The following ZNF441 variants were observed in gnomAD, a reference collection of about 807,000 sequenced individuals.
ZNF441 encodes zinc finger protein 441.
ZNF441 carries 25 observed loss-of-function variants against 64.5 expected under a neutral mutation model. That is an observed-to-expected ratio of 0.39 (90% CI 0.28 to 0.54). The LOEUF (loss-of-function observed/expected upper bound fraction) is 0.54. Among genes scored for constraint, ZNF441 ranks in the 20% least tolerant of loss-of-function variants. The probability of loss-of-function intolerance (pLI) is 0.70; values close to 1 mark genes in which losing one functional copy is unlikely to be tolerated. For synonymous variants in ZNF441, 262 were observed against 268.0 expected, an observed-to-expected ratio of 0.98 and a Z score of 0.22; for missense variants, 715 against 843.3, an observed-to-expected ratio of 0.85 and a Z score of 1.88.
rs556282055 is a variant in ZNF441, at chr19:11,779,650, C to A, written c.195-369C>A. ...GTCCCAGCTACTTGGGAGGCTGAGG[C>A]AGGAGAATGGTGTGAACCCGGGGGA... On this transcript the variant is annotated intron_variant, in intron 3 of 3. Coordinates refer to ENST00000357901, the MANE Select transcript of ZNF441 (RefSeq NM_152355.3). Among the ~76,000 whole-genome samples the A allele has an allele frequency of 2.6e-5, 4 of 151,632 alleles. No individual in the cohort carries two copies. The East Asian group carries it at 7.8e-4, about 30-fold the overall frequency.
In ZNF441 at chr19:11,782,085, A is replaced by C; in HGVS notation, c.*179A>C. ...AAACTCATACTTCAAAAATATATAT[A>C]TAATGAATGTGAGGAATATGAAAAA... On this transcript the variant is annotated 3_prime_UTR_variant, in exon 4 of 4. Coordinates refer to ENST00000357901, the MANE Select transcript of ZNF441 (RefSeq NM_152355.3). 2.1e-6 allele frequency: 1 copy of C among 484,324 alleles called. No homozygotes were observed. The highest frequency in any genetic ancestry group is 3.5e-6 in the Non-Finnish European group (1 of 282,328). The allele number at this position is 484,324 out of a possible 1,614,324, so 30.0% of individuals were successfully genotyped here.
chr19:11,767,645 T>G lies in ZNF441; in HGVS notation c.3+449T>G, dbSNP rs1379523500. On this transcript the variant is annotated intron_variant, in intron 1 of 3. Coordinates refer to ENST00000357901, the MANE Select transcript of ZNF441 (RefSeq NM_152355.3). This position sits in a 1 kb window ranked among gnomAD's most constrained non-coding sequence, Gnocchi z 5.1. ...GCTGGGGCGTGGGGTCGCTGGATGG[T>G]GGGGAAGTGAGGGGTGACTCTTGGG... 6.6e-6 allele frequency among the ~76,000 whole-genome samples: 1 copy of G among 151,764 alleles called. No individual in the cohort carries two copies. Among genetic ancestry groups the G allele is most frequent in the African/African-American group, 2.4e-5 (1 of 41,316 alleles).
intron 1 of ZNF441, among the ~76,000 whole-genome samples, chr19:11,776,717 A>G (rs1234909675): frequency 6.6e-6 from 1 of 152,196 alleles, no homozygotes; most frequent in Non-Finnish European, 1.5e-5. Flanking sequence ...CTAGCTTCCA[A>G]ATGTTCTCTC....
intron 1 of ZNF441, among the ~76,000 whole-genome samples, chr19:11,773,269 T>C (rs536319592): frequency 6.6e-6 from 1 of 152,340 alleles, no homozygotes; most frequent in South Asian, 2.1e-4. Context: ...TATGTTTCTG[T>C]TATTTATTGC....
In ZNF441 at chr19:11,781,402, T is replaced by C. The variant is rs948942671; in HGVS notation, c.1578T>C (p.Thr526=). The C allele has an allele frequency of 6.2e-7, 1 of 1,614,132 alleles. No homozygotes were observed. Among genetic ancestry groups the C allele is most frequent in the Non-Finnish European group, 8.5e-7 (1 of 1,180,018 alleles). ...TTCGAAGACATGAAAGAATTCACAC[T>C]GGGGAGAGACCCTATAAGTGTAAAC... is the stretch of plus-strand genomic sequence containing the variant. ...SSFRRHERIH[T]GERPYKCKLC... is the part of the protein sequence containing the mutation. Residue 526 remains threonine, a synonymous_variant, in exon 4 of 4, where the codon ACT becomes ACC. Transcript: ENST00000357901.
At position 11,781,256 on chromosome 19, in the gene ZNF441, A is replaced by T; in HGVS notation, c.1432A>T (p.Lys478Ter). ...THTGEKPYEC[K>*]QCGKALSHLK... ...CACTGGAGAAAAGCCCTATGAATGT[A>T]AGCAGTGTGGAAAAGCACTTTCTCA... The change falls in exon 4 of 4, where the codon AAG becomes TAG. Residue 478 changes from lysine to a stop codon, truncating the protein, a stop_gained. Transcript: ENST00000357901. LOFTEE classifies it high-confidence loss of function. 1 of 1,613,142 alleles carries T rather than the reference A, an allele frequency of 6.2e-7. No individual in the cohort carries two copies. Among genetic ancestry groups the T allele is most frequent in the Non-Finnish European group, 8.5e-7 (1 of 1,179,778 alleles).
At chr19:11,779,593 A>G (rs1975381262) in intron 3 of ZNF441, among the ~76,000 whole-genome samples, 1 of 152,058 alleles carries the variant, frequency 6.6e-6, no homozygotes, top group African/African-American at 2.4e-5. Flanking sequence ...AAAATACAAA[A>G]AATTAGCCAG....
intron 1 of ZNF441, among the ~76,000 whole-genome samples, chr19:11,772,230 A>G (rs1975319921): frequency 6.6e-6 from 1 of 152,206 alleles, no homozygotes; most frequent in African/African-American, 2.4e-5. Flanking sequence ...AATAAATAAC[A>G]GTGCAACCAG....
In ZNF441 at chr19:11,781,440, G is replaced by T. The variant is rs146452126; in HGVS notation, c.1616G>T (p.Gly539Val). ...TATAAGTGTAAACTATGTGGGAAAG[G>T]CTTCAGGTCTTCCAGTTACATTCAA... Reference protein sequence around the residue: ...RPYKCKLCGKGFRSSSYIQLH... With the variant: ...RPYKCKLCGKVFRSSSYIQLH... Residue 539 changes from glycine to valine, a missense_variant, in exon 4 of 4, where the codon GGC becomes GTC. By Grantham distance (109) the Gly-to-Val change is moderately radical. Around this residue, in one of 2 missense-constraint regions of ZNF441, gnomAD observed 316 missense variants for 429.3 expected, o/e 0.74. Coordinates refer to ENST00000357901, the MANE Select transcript of ZNF441 (RefSeq NM_152355.3). 3 of 1,612,878 alleles carry T rather than the reference G, an allele frequency of 1.9e-6. No homozygotes were observed. The highest frequency in any genetic ancestry group is 2.7e-5 in the African/African-American group (2 of 74,544).
chr19:11,783,104 TATAA>T lies in ZNF441; in HGVS notation c.*1203_*1206del, dbSNP rs1345089133. 5 of 151,890 alleles carry T rather than the reference TATAA, an allele frequency of 3.3e-5. No individual in the cohort carries two copies. The highest frequency in any genetic ancestry group is 3.3e-4 in the Admixed American group (5 of 15,254). The allele number at this position is 151,890 out of a possible 1,614,324, so 9.4% of individuals were successfully genotyped here. ...ACTCAAACATCTCAACAGCAAAAAA[TATAA>T]ATAATCCCATTAAAGTGGGAAAAGG... is the stretch of plus-strand genomic sequence containing the variant. On this transcript the variant is annotated 3_prime_UTR_variant, in exon 4 of 4. Coordinates refer to ENST00000357901, the MANE Select transcript of ZNF441 (RefSeq NM_152355.3).
At chr19:11,773,018 C>G (rs1349356624) in intron 1 of ZNF441, among the ~76,000 whole-genome samples, 1 of 152,192 alleles carries the variant, frequency 6.6e-6, no homozygotes. Context: ...GTCTCAATCT[C>G]CTGACCTCGT....
chr19:11,778,756 C>T (rs1282837752), intron 3 of ZNF441, among the ~76,000 whole-genome samples: 1 of 152,138 alleles, frequency 6.6e-6, no homozygotes, highest in African/African-American at 2.4e-5. Flanking sequence ...CTGTGACCAG[C>T]CCAAAATTTT....
intron 1 of ZNF441, among the ~76,000 whole-genome samples, chr19:11,768,818 G>A (rs973862533): frequency 5.9e-5 from 9 of 152,212 alleles, no homozygotes; most frequent in African/African-American, 1.9e-4. Context: ...CAATTGGATG[G>A]TGGTATTAAG....
intron 1 of ZNF441, among the ~76,000 whole-genome samples, chr19:11,772,341 C>G (rs1975321022): frequency 6.6e-6 from 1 of 152,172 alleles, no homozygotes; most frequent in Non-Finnish European, 1.5e-5. Context: ...TATTTCTACG[C>G]TCTCTCGTCA....
At chr19:11,771,805 A>G (rs1162337009) in intron 1 of ZNF441, among the ~76,000 whole-genome samples, 1 of 152,198 alleles carries the variant, frequency 6.6e-6, no homozygotes, top group Non-Finnish European at 1.5e-5. Flanking sequence ...AACACCCACT[A>G]CTTAGCAGAC....
chr19:11,780,203 GA>G lies in ZNF441; in HGVS notation c.381del (p.Glu127AspfsTer114), dbSNP rs1181083954. On this transcript the variant is annotated frameshift_variant, in exon 4 of 4. Transcript: ENST00000357901. LOFTEE classifies it high-confidence loss of function. ...SLNCYVRVDS[E>X]HKPCEYQEYG... is the part of the protein sequence containing the mutation. ...TAATTGCTACGTTAGAGTTGACAGT[GA>G]ACACAAACCATGTGAGTATCAAGAA... 6.2e-7 allele frequency: 1 copy of G among 1,614,146 alleles called. No individual in the cohort carries two copies.
chr19:11,771,764 C>G (rs920465658), intron 1 of ZNF441, among the ~76,000 whole-genome samples: 1 of 152,190 alleles, frequency 6.6e-6, no homozygotes, highest in Non-Finnish European at 1.5e-5. Flanking sequence ...CCAGGCGGTC[C>G]GTGGTCTAGC....
In ZNF441 at chr19:11,781,460, A is replaced by G; in HGVS notation, c.1636A>G (p.Ile546Val). 22 of 1,613,804 alleles carry G rather than the reference A, an allele frequency of 1.4e-5. No homozygotes were observed. Among genetic ancestry groups the G allele is most frequent in the Non-Finnish European group, 1.8e-5 (21 of 1,179,916 alleles). Residue 546 changes from isoleucine to valine, a missense_variant, in exon 4 of 4, where the codon ATT becomes GTT. Ile to Val is a conservative substitution (Grantham distance 29). Coordinates refer to ENST00000357901, the MANE Select transcript of ZNF441 (RefSeq NM_152355.3). ...CGKGFRSSSYIQLHERTHTGE... is the reference protein window; with the variant it reads ...CGKGFRSSSYVQLHERTHTGE... ...GAAAGGCTTCAGGTCTTCCAGTTAC[A>G]TTCAACTACATGAAAGGACTCACAC...
chr19:11,780,632 T>C lies in ZNF441; in HGVS notation c.808T>C (p.Tyr270His). ...CAGTTGTTCCTGTTACACTCAACTA[T>C]ATGAAAGGACTCACACTGGAGAACA... ...AFSCSCYTQL[Y>H]ERTHTGEQSY... Residue 270 changes from tyrosine (Y) to histidine (H), a missense_variant, in exon 4 of 4, where the codon TAT becomes CAT. This residue lies in a region of ZNF441 where 399 missense variants were observed against 413.9 expected (regional missense o/e 0.96). Coordinates refer to ENST00000357901, the MANE Select transcript of ZNF441 (RefSeq NM_152355.3). The C allele has an allele frequency of 6.2e-7, 1 of 1,614,056 alleles. No individual in the cohort carries two copies. Among genetic ancestry groups the C allele is most frequent in the Non-Finnish European group, 8.5e-7 (1 of 1,179,996 alleles).
Sources: allele counts gnomAD v4.1 joint callset (sites outside exome capture counted in the v4.1 genomes callset), GRCh38; gene constraint gnomAD v4.1.1; regional missense constraint gnomAD v4.1.1; non-coding constraint Gnocchi (gnomAD v3.1); transcripts MANE v1.5; gene names NCBI Gene and HGNC (gene_info 2026-07-23, HGNC 2026-07-21).